The following PEAR1 variants were observed in gnomAD, a reference collection of about 807,000 sequenced individuals.
The protein encoded by PEAR1 is platelet endothelial aggregation receptor 1.
Under a neutral mutation model 131.2 loss-of-function variants are expected in PEAR1, and 113 were observed. That is an observed-to-expected ratio of 0.86 (90% confidence interval 0.74 to 1.01). PEAR1 has a LOEUF of 1.01. PEAR1 is among the 50% of genes least tolerant of loss of function. The pLI is 0.00. For missense variants in PEAR1, 1,408 were observed against 1,391.1 expected, an observed-to-expected ratio of 1.01 and a Z score of -0.19; for synonymous variants, 565 against 523.3, an observed-to-expected ratio of 1.08 and a Z score of -1.09.
chr1:156,905,242 C>T lies in PEAR1; in HGVS notation c.207-82C>T, dbSNP rs1191277486. The stretch of plus-strand genomic sequence containing the variant: ...TCAGCCCAGAGTGTTGAGTGGTGCC[C>T]CTTCCCTGGCCTCCCCCTGGCCACA... On this transcript the variant is annotated intron_variant, in intron 3 of 22. Coordinates refer to ENST00000292357, the MANE Select transcript of PEAR1 (RefSeq NM_001080471.3). 7 of 1,421,778 alleles carry T rather than the reference C, an allele frequency of 4.9e-6. No homozygotes were observed. In the Admixed American group the frequency reaches 1.1e-4, roughly 22 times the overall value. 88.1% of individuals were successfully genotyped at this position (1,421,778 alleles called of 1,614,324 possible).
At chr1:156,895,950 T>C (rs1024745476) in intron 1 of PEAR1, among the ~76,000 whole-genome samples, 1 of 152,020 alleles carries the variant, frequency 6.6e-6, no homozygotes, top group African/African-American at 2.4e-5. Context: ...GGCATGGTGG[T>C]GCCCGCCCAT....
At position 156,908,464 on chromosome 1, in the gene PEAR1, G is replaced by A. The variant is rs373273267; in HGVS notation, c.1115+124G>A. 3 of 1,290,692 alleles carry A rather than the reference G, an allele frequency of 2.3e-6. No individual in the cohort carries two copies. Among genetic ancestry groups the A allele is most frequent in the Non-Finnish European group, 3.1e-6 (3 of 967,554 alleles). 80.0% of individuals were successfully genotyped at this position (1,290,692 alleles called of 1,614,324 possible). On this transcript the variant is annotated intron_variant, in intron 9 of 22. Transcript: ENST00000292357. The surrounding 1 kb of genome is among the most constrained non-coding windows in gnomAD (Gnocchi z 4.2). Reference sequence around the variant, plus strand: ...GGTGTCACAGAAGGGGAAAGGGAGGGACCTCAGGGGCCGGGAGGGGCCTGG... The same window carrying A: ...GGTGTCACAGAAGGGGAAAGGGAGGAACCTCAGGGGCCGGGAGGGGCCTGG...
chr1:156,914,590 G>C lies in PEAR1; in HGVS notation c.2963-57G>C. 6 of 1,539,920 alleles carry C rather than the reference G, an allele frequency of 3.9e-6. No individual in the cohort carries two copies. In the African/African-American group the frequency reaches 5.4e-5, roughly 14 times the overall value. On this transcript the variant is annotated intron_variant, in intron 22 of 22. Coordinates refer to ENST00000292357, the MANE Select transcript of PEAR1 (RefSeq NM_001080471.3). ...GAGAGGAGTGCAGTGGGAGTGGAGG[G>C]AGTGGGGAGAGTGGTGGGAGGAGCC... is the stretch of plus-strand genomic sequence containing the variant.
chr1:156,897,245 A>C (rs576401523), intron 1 of PEAR1, among the ~76,000 whole-genome samples: 2 of 152,330 alleles, frequency 1.3e-5, no homozygotes, highest in East Asian at 3.9e-4. Context: ...CCAGTGAGGC[A>C]GACTGACTTT....
rs2768744 is a variant in PEAR1 at position 156,902,357 on chromosome 1, G to A, written c.-9-1561G>A. ...GGCTAGAGGCTGAGATTCGCCCTGC[G>A]GGAAGTGTGATGGGGCATGCGGCTG... On this transcript the variant is annotated intron_variant, in intron 1 of 22. Coordinates refer to ENST00000292357, the MANE Select transcript of PEAR1 (RefSeq NM_001080471.3). The surrounding 1 kb of genome is among the most constrained non-coding windows in gnomAD (Gnocchi z 4.3). 0.58 allele frequency: 88,891 copies of A among 152,812 alleles called. 31,097 individuals are homozygous for A. Among genetic ancestry groups the A allele is most frequent in the Non-Finnish European group, 0.79 (54,307 of 68,396 alleles). The allele number at this position is 152,812 out of a possible 1,614,324, so 9.5% of individuals were successfully genotyped here. A position where few individuals can be genotyped will look rare whatever the true frequency, so the allele number is the denominator to read the frequency against.
chr1:156,909,816 A>G lies in PEAR1; in HGVS notation c.1477A>G (p.Ser493Gly). Residue 493 changes from serine to glycine, a missense_variant, in exon 12 of 23, where the codon AGC becomes GGC. Transcript: ENST00000292357. The stretch of plus-strand genomic sequence containing the variant: ...AACCTGGGGCTTCAGTTGCAATGCC[A>G]GCTGCCAGTGTGCCCATGAGGCAGT... ...PGTWGFSCNA[S>G]CQCAHEAVCS... The G allele has an allele frequency of 6.2e-7, 1 of 1,614,026 alleles. No individual in the cohort carries two copies. The highest frequency in any genetic ancestry group is 8.5e-7 in the Non-Finnish European group (1 of 1,179,896).
At chr1:156,913,559 G>A (rs751112897) in intron 20 of PEAR1, 36 bp downstream of exon 20, 80 of 1,608,982 alleles carry the variant, frequency 5.0e-5, no homozygotes, top group Non-Finnish European at 6.7e-5. Flanking sequence ...TGGCGCGGGT[G>A]GATGTGTGCA....
chr1:156,904,128 C>A, intron 2 of PEAR1, 101 bp downstream of exon 2: 1 of 914,506 alleles, frequency 1.1e-6, no homozygotes, highest in Non-Finnish European at 1.8e-6. Flanking sequence ...CCTTAATCTC[C>A]TTCCTTCTCT....
chr1:156,914,765 C>T lies in PEAR1; in HGVS notation c.3081C>T (p.Pro1027=). 1 of 1,613,922 alleles carries T rather than the reference C, an allele frequency of 6.2e-7. No homozygotes were observed. Among genetic ancestry groups the T allele is most frequent in the South Asian group, 1.1e-5 (1 of 91,032 alleles). ...ATGACTTGCCTCCAGTACGGCATCC[C>T]CCATCACCTCCACTTCGACGCCAGG... is the stretch of plus-strand genomic sequence containing the variant. ...GHYDLPPVRH[P]PSPPLRRQDR is the part of the protein sequence containing the mutation. The change falls in exon 23 of 23, where the codon CCC becomes CCT. Residue 1027 remains proline, a synonymous_variant. Coordinates refer to ENST00000292357, the MANE Select transcript of PEAR1 (RefSeq NM_001080471.3).
intron 1 of PEAR1, among the ~76,000 whole-genome samples, chr1:156,897,685 G>A (rs1649293402): frequency 6.6e-6 from 1 of 152,258 alleles, no homozygotes; most frequent in Non-Finnish European, 1.5e-5. Context: ...AAGGCCTGGA[G>A]AGCAGGGAGG....
intron 1 of PEAR1, among the ~76,000 whole-genome samples, chr1:156,900,662 T>C (rs1329102506): frequency 1.3e-5 from 2 of 152,146 alleles, no homozygotes; most frequent in Non-Finnish European, 2.9e-5. Context: ...GGGGTCACCT[T>C]ATGATTCTCG....
In PEAR1 at chr1:156,913,609, G is replaced by C. The variant is rs991525614; in HGVS notation, c.2645-83G>C. On this transcript the variant is annotated intron_variant, in intron 20 of 22. Coordinates refer to ENST00000292357, the MANE Select transcript of PEAR1 (RefSeq NM_001080471.3). Reference sequence around the variant, plus strand: ...TCTGAGTGTGTGTGTCTGGAGACGGGGGCTCTGGGCCCCATTTCTAGAGGA... The same window carrying C: ...TCTGAGTGTGTGTGTCTGGAGACGGCGGCTCTGGGCCCCATTTCTAGAGGA... 6.9e-5 allele frequency: 111 copies of C among 1,597,508 alleles called. 1 individual carries two copies. The highest frequency in any genetic ancestry group is 2.7e-4 in the South Asian group (24 of 89,068).
At chr1:156,904,142 GTCTCTCCCCTCC>G (rs1649972255) in intron 2 of PEAR1, 115 bp downstream of exon 2, 1 of 808,592 alleles carries the variant, frequency 1.2e-6, no homozygotes, top group Admixed American at 2.1e-5. Flanking sequence ...CTTCTCTCTA[GTCTCTCCCCTCC>G]CGCCTATTTC....
At chr1:156,907,762 G>A in intron 7 of PEAR1, 32 bp downstream of exon 7, 1 of 1,591,294 alleles carries the variant, frequency 6.3e-7, no homozygotes, top group South Asian at 1.1e-5. Flanking sequence ...GGCATGGGGT[G>A]TGGGTCTGGG....
intron 11 of PEAR1, among the ~76,000 whole-genome samples, chr1:156,909,355 A>G (rs765184087): frequency 6.6e-6 from 1 of 152,150 alleles, no homozygotes; most frequent in Non-Finnish European, 1.5e-5. Context: ...AGAGTGACAC[A>G]TTGGCAACCT....
chr1:156,909,788 CG>C lies in PEAR1; in HGVS notation c.1451del (p.Gly484GlufsTer201), dbSNP rs1482646863. On this transcript the variant is annotated frameshift_variant, in exon 12 of 23. Coordinates refer to ENST00000292357, the MANE Select transcript of PEAR1 (RefSeq NM_001080471.3). LOFTEE classifies it high-confidence loss of function. The stretch of plus-strand genomic sequence containing the variant: ...GTAACTGCTCTGTGCCCTGCCCACC[CG>C]GAACCTGGGGCTTCAGTTGCAATGC... ...RGNCSVPCPP[G>X]TWGFSCNASC... is the part of the protein sequence containing the mutation. 6.2e-7 allele frequency: 1 copy of C among 1,613,610 alleles called. No individual in the cohort carries two copies. Among genetic ancestry groups the C allele is most frequent in the African/African-American group, 1.3e-5 (1 of 75,020 alleles).
Position 156,903,934 on chromosome 1 carries a change from C to G in PEAR1, c.8C>G (p.Pro3Arg). 6.2e-7 allele frequency: 1 copy of G among 1,613,936 alleles called. No individual in the cohort carries two copies. Among genetic ancestry groups the G allele is most frequent in the Non-Finnish European group, 8.5e-7 (1 of 1,179,956 alleles). The change falls in exon 2 of 23, where the codon CCG becomes CGG. Residue 3 changes from proline to arginine, a missense_variant. By Grantham distance (103) the Pro-to-Arg change is moderately radical. Coordinates refer to ENST00000292357, the MANE Select transcript of PEAR1 (RefSeq NM_001080471.3). ...TTGCTGCAGGCCTCTGCAATGTCAC[C>G]GCCTCTGTGTCCCCTCCTTCTCCTG... is the stretch of plus-strand genomic sequence containing the variant. MS[P>R]PLCPLLLLAV...
At position 156,914,659 on chromosome 1, in the gene PEAR1, T is replaced by G; in HGVS notation, c.2975T>G (p.Val992Gly). The change falls in exon 23 of 23, where the codon GTG becomes GGG. Residue 992 changes from valine (V) to glycine (G), a missense_variant. Val to Gly is a moderately radical substitution (Grantham distance 109, BLOSUM62 -3). Coordinates refer to ENST00000292357, the MANE Select transcript of PEAR1 (RefSeq NM_001080471.3). ...PSPLIHDRDS[V>G]GSQPPLPPGL... Reference sequence around the variant, plus strand: ...CTCATGTTTCCAGACCGAGACTCTGTGGGCTCCCAGCCCCCTCTGCCTCCG... The same window carrying G: ...CTCATGTTTCCAGACCGAGACTCTGGGGGCTCCCAGCCCCCTCTGCCTCCG... 6.2e-7 allele frequency: 1 copy of G among 1,612,060 alleles called. No homozygotes were observed. The highest frequency in any genetic ancestry group is 8.5e-7 in the Non-Finnish European group (1 of 1,178,960).
chr1:156,907,573 T>C, intron 6 of PEAR1, 37 bp from the exon 7 acceptor site: 1 of 1,586,116 alleles, frequency 6.3e-7, no homozygotes, highest in African/African-American at 1.3e-5. Flanking sequence ...CAGTTATTGC[T>C]TGTTTGCACA....
Sources: allele counts gnomAD v4.1 joint callset (sites outside exome capture counted in the v4.1 genomes callset), GRCh38; gene constraint gnomAD v4.1.1; non-coding constraint Gnocchi (gnomAD v3.1); transcripts MANE v1.5; gene names NCBI Gene and HGNC (gene_info 2026-07-23, HGNC 2026-07-21).